LRRC37A2: variants seen among roughly 807,000 people sequenced by gnomAD.
The protein encoded by LRRC37A2 is leucine-rich repeat-containing protein 37A2.
LRRC37A2 carries 9 observed loss-of-function variants against 68.8 expected under a neutral mutation model. The observed-to-expected ratio is 0.13, with a 90% CI of 0.08 to 0.23. LRRC37A2 has a LOEUF of 0.23. Among genes scored for constraint, LRRC37A2 ranks in the 10% least tolerant of loss-of-function variants. LRRC37A2 has a pLI of 1.00. For synonymous variants in LRRC37A2, 63 were observed against 367.6 expected (o/e 0.17, Z 9.48); for missense variants, 168 against 950.4 (o/e 0.18, Z 10.82).
chr17:46,766,593 T>C, the LRRC37A2 span, among the ~76,000 whole-genome samples: 80 of 152,232 alleles, frequency 5.3e-4, no homozygotes, highest in African/African-American at 1.9e-3. Flanking sequence ...GCTGCCTTTC[T>C]GGACTGTCCC....
At chr17:46,779,781 A>G in the LRRC37A2 span, among the ~76,000 whole-genome samples, 1 of 151,746 alleles carries the variant, frequency 6.6e-6, no homozygotes, top group South Asian at 2.1e-4. Flanking sequence ...TTTTTTTGAG[A>G]CAGAATCTTG....
chr17:46,545,754 CT>C (rs1233831771), intron 8 of LRRC37A2, among the ~76,000 whole-genome samples: 2 of 142,088 alleles, frequency 1.4e-5, no homozygotes, highest in African/African-American at 2.8e-5. Flanking sequence ...TGTTGTTATT[CT>C]TTTGAATGCT....
the LRRC37A2 span, among the ~76,000 whole-genome samples, chr17:46,821,371 G>C: frequency 6.6e-6 from 1 of 152,208 alleles, no homozygotes; most frequent in South Asian, 2.1e-4. Context: ...CTTCAACACA[G>C]GTTTAATTTC....
chr17:47,004,152 G>T, the LRRC37A2 span, among the ~76,000 whole-genome samples: 144 of 152,212 alleles, frequency 9.5e-4, 1 homozygote, highest in East Asian at 0.023. Flanking sequence ...CCAAGTCTTT[G>T]CTATTGTGAA....
chr17:46,882,908 C>T, the LRRC37A2 span, among the ~76,000 whole-genome samples: 6 of 152,160 alleles, frequency 3.9e-5, no homozygotes, highest in African/African-American at 1.2e-4. Context: ...CTCCACCCCA[C>T]ACAGGCATTC....
At chr17:46,856,464 CA>C in the LRRC37A2 span, among the ~76,000 whole-genome samples, 1 of 151,576 alleles carries the variant, frequency 6.6e-6, no homozygotes, top group Non-Finnish European at 1.5e-5. Context: ...TTGTTATATA[CA>C]ATGAAATGCA....
At chr17:46,892,359 C>T in the LRRC37A2 span, among the ~76,000 whole-genome samples, 3 of 152,180 alleles carry the variant, frequency 2.0e-5, no homozygotes, top group Non-Finnish European at 4.4e-5. Flanking sequence ...ACAGCCCCAT[C>T]CCCTGAGCCA....
the LRRC37A2 span, among the ~76,000 whole-genome samples, chr17:46,948,246 G>C: frequency 6.6e-6 from 1 of 152,228 alleles, no homozygotes; most frequent in Non-Finnish European, 1.5e-5. Flanking sequence ...CAGGGCAGCT[G>C]TGGCCAGTGC....
At chr17:46,777,711 G>C in the LRRC37A2 span, among the ~76,000 whole-genome samples, 1 of 152,212 alleles carries the variant, frequency 6.6e-6, no homozygotes, top group African/African-American at 2.4e-5. Context: ...TGGGAGGTGG[G>C]CATTGTTATC....
At chr17:46,815,670 A>T in the LRRC37A2 span, among the ~76,000 whole-genome samples, 3 of 152,126 alleles carry the variant, frequency 2.0e-5, no homozygotes, top group Admixed American at 6.6e-5. Context: ...AAGACCAAAG[A>T]AAAACAACCT....
At chr17:46,494,294 T>G in the LRRC37A2 span, among the ~76,000 whole-genome samples, 2 of 150,120 alleles carry the variant, frequency 1.3e-5, no homozygotes, top group Non-Finnish European at 2.9e-5. Flanking sequence ...AGTTTTAAAT[T>G]TTGATGAAGT....
At chr17:46,786,448 C>T in the LRRC37A2 span, among the ~76,000 whole-genome samples, 11 of 152,152 alleles carry the variant, frequency 7.2e-5, 1 homozygote, top group Admixed American at 1.3e-4. Context: ...AGAGGGGTGT[C>T]CAGAGACGGG....
At chr17:46,956,769 G>A in the LRRC37A2 span, among the ~76,000 whole-genome samples, 2 of 152,194 alleles carry the variant, frequency 1.3e-5, no homozygotes, top group Non-Finnish European at 2.9e-5. Context: ...AGTGCTGGCT[G>A]GAGAGGATAC....
chr17:46,864,225 CAG>C, the LRRC37A2 span, among the ~76,000 whole-genome samples: 1 of 152,168 alleles, frequency 6.6e-6, no homozygotes, highest in Non-Finnish European at 1.5e-5. Flanking sequence ...GTCACCCAGC[CAG>C]AGTCACCCAG....
chr17:46,927,895 A>T, the LRRC37A2 span, among the ~76,000 whole-genome samples: 1 of 151,932 alleles, frequency 6.6e-6, no homozygotes, highest in Non-Finnish European at 1.5e-5. Flanking sequence ...ACCAACTTTC[A>T]GATTTTTCTG....
At chr17:46,768,419 C>T in the LRRC37A2 span, 16 of 1,613,996 alleles carry the variant, frequency 9.9e-6, no homozygotes, top group Middle Eastern at 1.6e-4. The surrounding 1 kb of genome is among the most constrained non-coding windows in gnomAD (Gnocchi z 5.0). Context: ...TCCGCTTCTC[C>T]GTCCTCGTGT....
chr17:46,900,929 G>C, the LRRC37A2 span, among the ~76,000 whole-genome samples: 2 of 152,188 alleles, frequency 1.3e-5, no homozygotes, highest in South Asian at 2.1e-4. Context: ...ACATTCTAGT[G>C]GGGAGGGGAG....
the LRRC37A2 span, among the ~76,000 whole-genome samples, chr17:46,997,362 C>CA: frequency 3.6e-4 from 54 of 149,058 alleles, 1 homozygote; most frequent in South Asian, 6.4e-4. Flanking sequence ...CCCACCTCAC[C>CA]AAAAAAAAAG....
the LRRC37A2 span, chr17:46,975,283 C>G: frequency 6.6e-6 from 1 of 152,100 alleles, no homozygotes; most frequent in East Asian, 1.9e-4. Context: ...TTTTGAAGAC[C>G]AGGATCCCAG....
Sources: gnomAD v4.1 joint callset for allele counts (sites outside exome capture counted in the v4.1 genomes callset) on GRCh38, gnomAD v4.1.1 for gene constraint, Gnocchi (gnomAD v3.1) non-coding constraint, MANE v1.5 for transcripts, NCBI Gene and HGNC (gene_info 2026-07-23, HGNC 2026-07-21) for gene names.